Variants in DPP6 observed in about 807,000 individuals in gnomAD.
DPP6 encodes dipeptidyl peptidase like 6.
A neutral mutation model predicts 122.6 loss-of-function variants in DPP6; 69 were observed. The ratio of observed to expected loss-of-function variants is 0.56; its 90% CI spans 0.46 to 0.69. The LOEUF (loss-of-function observed/expected upper bound fraction) is 0.69, where lower values mean the gene tolerates loss of function less well. DPP6 is among the 30% of genes least tolerant of loss of function. The pLI is 0.00. For synonymous variants in DPP6, 418 were observed against 433.1 expected (o/e 0.97, Z 0.43); for missense variants, 928 against 1,116.9 (o/e 0.83, Z 2.41).
chr7:154,776,228 G>T (rs1980350), intron 10 of DPP6, among the ~76,000 whole-genome samples: 1 of 107,198 alleles, frequency 9.3e-6, no homozygotes, highest in South Asian at 3.6e-4. Flanking sequence ...TAGATAGATA[G>T]ATAGATAAAC....
intron 6 of DPP6, among the ~76,000 whole-genome samples, chr7:154,640,610 C>T (rs1294910347): frequency 1.3e-5 from 2 of 152,182 alleles, no homozygotes; most frequent in Non-Finnish European, 2.9e-5. Flanking sequence ...TGAGCGGTAT[C>T]TCCGTAGGCC....
chr7:154,233,785 T>G (rs1801044364), intron 1 of DPP6, among the ~76,000 whole-genome samples: 1 of 152,198 alleles, frequency 6.6e-6, no homozygotes, highest in Non-Finnish European at 1.5e-5. Flanking sequence ...TTCTGTTGTT[T>G]AAGCCACCTG....
chr7:154,113,412 T>TATATATATATATACAC (rs1472172445), intron 1 of DPP6, among the ~76,000 whole-genome samples: 246 of 141,076 alleles, frequency 1.7e-3, no homozygotes, highest in African/African-American at 6.1e-3. Context: ...TATATATATA[T>TATATATATATATACAC]ACACACACAC....
intron 3 of DPP6, among the ~76,000 whole-genome samples, chr7:154,536,197 A>AC (rs1186171859): frequency 1.2e-4 from 18 of 152,134 alleles, no homozygotes; most frequent in Admixed American, 1.2e-3. Context: ...AACACAAAAG[A>AC]CTATGTAATG....
chr7:153,920,508 T>C (rs1343253103), intron 1 of DPP6, among the ~76,000 whole-genome samples: 3 of 151,228 alleles, frequency 2.0e-5, no homozygotes, highest in African/African-American at 7.3e-5. Context: ...TCCCAGCTGG[T>C]GGACCCTTCA....
chr7:154,617,471 G>T (rs1017636852), intron 5 of DPP6, among the ~76,000 whole-genome samples: 3 of 152,152 alleles, frequency 2.0e-5, no homozygotes, highest in Non-Finnish European at 4.4e-5. Context: ...GGTCATATCA[G>T]ATGGCCAGGA....
intron 3 of DPP6, among the ~76,000 whole-genome samples, chr7:154,494,366 A>G (rs998752749): frequency 6.7e-6 from 1 of 148,520 alleles, no homozygotes; most frequent in Admixed American, 6.7e-5. Flanking sequence ...AAAAAAATAT[A>G]TATTATACAT....
At chr7:154,500,748 G>A (rs1825169935) in intron 3 of DPP6, among the ~76,000 whole-genome samples, 1 of 152,188 alleles carries the variant, frequency 6.6e-6, no homozygotes, top group Admixed American at 6.5e-5. Flanking sequence ...TCAGCAGCCT[G>A]AAAATGGACT....
At chr7:154,397,625 C>T (rs1004550057) in intron 1 of DPP6, among the ~76,000 whole-genome samples, 8 of 152,152 alleles carry the variant, frequency 5.3e-5, no homozygotes, top group Admixed American at 5.2e-4. Flanking sequence ...ACACTTCATG[C>T]TGTTAATACT....
At chr7:154,778,651 C>A (rs1404039083) in intron 10 of DPP6, among the ~76,000 whole-genome samples, 1 of 151,718 alleles carries the variant, frequency 6.6e-6, no homozygotes, top group Non-Finnish European at 1.5e-5. Flanking sequence ...CCACCACCAC[C>A]ACAACCTCTA....
At chr7:154,577,697 T>C (rs1206945548) in intron 5 of DPP6, among the ~76,000 whole-genome samples, 1 of 152,184 alleles carries the variant, frequency 6.6e-6, no homozygotes, top group East Asian at 1.9e-4. Context: ...GAACACTCGA[T>C]TGCTTTCATT....
chr7:154,584,077 G>T (rs1006045635), intron 5 of DPP6, among the ~76,000 whole-genome samples: 2 of 152,130 alleles, frequency 1.3e-5, no homozygotes, highest in African/African-American at 4.8e-5. Context: ...TGCCTCCAGG[G>T]CCTCTTTGCC....
intron 1 of DPP6, among the ~76,000 whole-genome samples, chr7:154,077,150 G>A (rs1045276593): frequency 1.3e-5 from 2 of 152,138 alleles, no homozygotes; most frequent in Non-Finnish European, 2.9e-5. Context: ...GTTCCTATTT[G>A]ACTAAGGTGA....
intron 1 of DPP6, among the ~76,000 whole-genome samples, chr7:154,219,479 A>G (rs558385699): frequency 6.6e-6 from 1 of 152,372 alleles, no homozygotes; most frequent in South Asian, 2.1e-4. Flanking sequence ...TGAAGAAGGA[A>G]GACCTTTCCG....
chr7:154,823,992 C>A (rs1799971547), intron 16 of DPP6, among the ~76,000 whole-genome samples: 1 of 152,216 alleles, frequency 6.6e-6, no homozygotes, highest in Non-Finnish European at 1.5e-5. Context: ...TTTCTATTTG[C>A]AAACTTTGTT....
At chr7:153,866,754 G>T in the DPP6 span, among the ~76,000 whole-genome samples, 1 of 152,286 alleles carries the variant, frequency 6.6e-6, no homozygotes, top group South Asian at 2.1e-4. Context: ...TATTGCCTAG[G>T]TTTCCTTCTA....
At chr7:153,855,851 A>T in the DPP6 span, among the ~76,000 whole-genome samples, 3 of 152,140 alleles carry the variant, frequency 2.0e-5, no homozygotes, top group Non-Finnish European at 4.4e-5. Context: ...TTCAAAAAAA[A>T]ATATGATGTA....
At chr7:154,273,917 A>G (rs901875031) in intron 1 of DPP6, among the ~76,000 whole-genome samples, 2 of 152,208 alleles carry the variant, frequency 1.3e-5, no homozygotes, top group African/African-American at 4.8e-5. Context: ...AGAGTGTGAA[A>G]GCAATCATTC....
intron 1 of DPP6, among the ~76,000 whole-genome samples, chr7:154,228,943 C>G (rs1011837840): frequency 6.6e-6 from 1 of 152,084 alleles, no homozygotes; most frequent in African/African-American, 2.4e-5. Context: ...CAAATGGAGC[C>G]AAATCAGTAT....
Sources: gnomAD v4.1 joint callset for allele counts (sites outside exome capture counted in the v4.1 genomes callset) on GRCh38, gnomAD v4.1.1 for gene constraint, MANE v1.5 for transcripts, NCBI Gene and HGNC (gene_info 2026-07-23, HGNC 2026-07-21) for gene names.